The following ZFHX3 variants were observed in gnomAD, a reference collection of about 807,000 sequenced individuals.
The protein encoded by ZFHX3 is zinc finger homeobox 3.
A neutral mutation model predicts 279.1 loss-of-function variants in ZFHX3; 42 were observed. The ratio of observed to expected loss-of-function variants is 0.15; its 90% CI spans 0.12 to 0.19. The LOEUF (loss-of-function observed/expected upper bound fraction) is 0.19, where lower values mean the gene tolerates loss of function less well. Among genes scored for constraint, ZFHX3 ranks in the 10% least tolerant of loss-of-function variants. The pLI is 1.00. For synonymous variants in ZFHX3, 2,293 were observed against 1,957.8 expected (o/e 1.17, Z -4.52); for missense variants, 4,981 against 4,754.0 (o/e 1.05, Z -1.40).
chr16:73,186,606 T>C (rs1223121312), intron 5 of ZFHX3, among the ~76,000 whole-genome samples: 1 of 152,016 alleles, frequency 6.6e-6, no homozygotes, highest in Non-Finnish European at 1.5e-5. Flanking sequence ...GAGTGTTTTA[T>C]GCATCAAAGA....
intron 5 of ZFHX3, among the ~76,000 whole-genome samples, chr16:73,186,653 T>C (rs1026097957): frequency 1.3e-5 from 2 of 151,780 alleles, no homozygotes; most frequent in Non-Finnish European, 2.9e-5. Context: ...TATCTTTTAA[T>C]GGGGGTCGCA....
intron 3 of ZFHX3, among the ~76,000 whole-genome samples, chr16:73,361,921 A>T (rs2016439927): frequency 6.6e-6 from 1 of 152,190 alleles, no homozygotes. Flanking sequence ...GTCTGAAAAA[A>T]AATCAACTTG....
intron 3 of ZFHX3, among the ~76,000 whole-genome samples, chr16:73,337,985 T>C (rs1164340187): frequency 6.6e-6 from 1 of 150,476 alleles, no homozygotes; most frequent in African/African-American, 2.4e-5. Flanking sequence ...GGTTCATAAC[T>C]AAAACTAAAA....
At chr16:73,180,344 T>C (rs1967763954) in intron 5 of ZFHX3, among the ~76,000 whole-genome samples, 1 of 152,186 alleles carries the variant, frequency 6.6e-6, no homozygotes, top group South Asian at 2.1e-4. Flanking sequence ...CTTTATTTTA[T>C]TATTATTTTT....
At chr16:73,466,396 T>G (rs1163608640) in intron 2 of ZFHX3, among the ~76,000 whole-genome samples, 1 of 152,138 alleles carries the variant, frequency 6.6e-6, no homozygotes, top group African/African-American at 2.4e-5. Context: ...GGTGGGAGGA[T>G]CACTTGATCT....
At chr16:73,486,592 AG>A (rs988990259) in intron 2 of ZFHX3, among the ~76,000 whole-genome samples, 7 of 152,222 alleles carry the variant, frequency 4.6e-5, no homozygotes, top group African/African-American at 1.7e-4. Flanking sequence ...AGAATCCCAG[AG>A]GGTCCCCCAC....
At chr16:73,817,592 G>C (rs1960610715) in intron 1 of ZFHX3, among the ~76,000 whole-genome samples, 1 of 152,212 alleles carries the variant, frequency 6.6e-6, no homozygotes, top group East Asian at 1.9e-4. Flanking sequence ...CTGCAAAGCA[G>C]TTCGAATAGC....
intron 1 of ZFHX3, among the ~76,000 whole-genome samples, chr16:73,779,186 A>G (rs1959366208): frequency 6.6e-6 from 1 of 152,212 alleles, no homozygotes; most frequent in Admixed American, 6.5e-5. Context: ...GCCAAAGTAT[A>G]TCTTGGGAAT....
intron 4 of ZFHX3, among the ~76,000 whole-genome samples, chr16:72,843,696 T>C (rs1567543922): frequency 1.3e-5 from 2 of 152,182 alleles, no homozygotes; most frequent in East Asian, 3.9e-4. Context: ...GCTCCCTGGG[T>C]GCTGGCTCTG....
intron 2 of ZFHX3, among the ~76,000 whole-genome samples, chr16:73,607,649 G>A (rs1200588453): frequency 6.6e-6 from 1 of 152,030 alleles, no homozygotes; most frequent in Non-Finnish European, 1.5e-5. Flanking sequence ...ATCAACACAA[G>A]GTATTATTAT....
intron 1 of ZFHX3, among the ~76,000 whole-genome samples, chr16:73,764,474 A>G (rs1221463696): frequency 6.6e-6 from 1 of 152,180 alleles, no homozygotes; most frequent in Non-Finnish European, 1.5e-5. Flanking sequence ...TTTATCCTCC[A>G]TAGGGAAGCA....
rs146416005 is a variant in ZFHX3 at position 73,811,712 on chromosome 16, T to A, written c.-1608+79939A>T. Among the ~76,000 whole-genome samples, 926 of 152,248 alleles carry A rather than the reference T, an allele frequency of 6.1e-3. 8 individuals are homozygous for A. The highest frequency in any genetic ancestry group is 0.021 in the African/African-American group (853 of 41,552). On this transcript the variant is annotated intron_variant, in intron 1 of 17. Transcript: ENST00000641206. ...TGCCCACCTCTGCCTCCCAAAGTGC[T>A]GGGATTATAGGCATGAGCCACCGCG... is the stretch of plus-strand genomic sequence containing the variant.
intron 2 of ZFHX3, among the ~76,000 whole-genome samples, chr16:73,663,676 T>G (rs1004575199): frequency 1.3e-5 from 2 of 152,204 alleles, no homozygotes; most frequent in Non-Finnish European, 2.9e-5. Context: ...ACAAAGGAGA[T>G]GCTGAATAAA....
chr16:73,002,262 A>T lies in ZFHX3; in HGVS notation c.-49-42068T>A, dbSNP rs536523681. Among the ~76,000 whole-genome samples the T allele has an allele frequency of 2.6e-5, 4 of 152,274 alleles. No individual in the cohort carries two copies. In the South Asian group the frequency reaches 8.3e-4, roughly 32 times the overall value. On this transcript the variant is annotated intron_variant, in intron 1 of 9. Coordinates refer to ENST00000268489, the MANE Select transcript of ZFHX3 (RefSeq NM_006885.4). The stretch of plus-strand genomic sequence containing the variant: ...ACAAGCTTCTACTTCTCTGGCCAGG[A>T]GAACTCCATCAGTAACTCTGGTCTT...
At chr16:73,742,421 C>G (rs979418389) in intron 1 of ZFHX3, among the ~76,000 whole-genome samples, 1 of 152,150 alleles carries the variant, frequency 6.6e-6, no homozygotes, top group Non-Finnish European at 1.5e-5. Flanking sequence ...GTTGACCATC[C>G]AAAATGGCCA....
intron 2 of ZFHX3, among the ~76,000 whole-genome samples, chr16:73,466,473 C>A (rs1410113242): frequency 6.6e-6 from 1 of 152,160 alleles, no homozygotes; most frequent in East Asian, 1.9e-4. Context: ...CAGAGTGAGA[C>A]CCTGTTTCAA....
In ZFHX3 at chr16:72,849,860, C is replaced by CAAAAAAAAAA. The variant is rs542156633; in HGVS notation, c.3449-20011_3449-20002dup. Reference sequence around the variant, plus strand: ...TCTCTGCCACTTGGAGTTCACCTACCAAAAAAAAAAAAAAAAAAAAAAAAA... The same window carrying CAAAAAAAAAA: ...TCTCTGCCACTTGGAGTTCACCTACCAAAAAAAAAAAAAAAAAAAAAAAAAAAAAAAAAAA... On this transcript the variant is annotated intron_variant, in intron 4 of 9. Coordinates refer to ENST00000268489, the MANE Select transcript of ZFHX3 (RefSeq NM_006885.4). Among the ~76,000 whole-genome samples, 17 of 56,564 alleles carry CAAAAAAAAAA rather than the reference C, an allele frequency of 3.0e-4. 5 individuals carry two copies. The highest frequency in any genetic ancestry group is 1.3e-3 in the Admixed American group (5 of 3,778). The allele number at this position is 56,564 out of a possible 152,430, so 37.1% of individuals were successfully genotyped here.
At chr16:73,838,062 A>G (rs954785328) in intron 1 of ZFHX3, among the ~76,000 whole-genome samples, 2 of 152,214 alleles carry the variant, frequency 1.3e-5, no homozygotes, top group Non-Finnish European at 1.5e-5. Flanking sequence ...ATTAGCATTT[A>G]CATGTCTCCA....
rs543190232 is a variant in ZFHX3, at chr16:73,053,735, A to G, written c.-24+4795T>C. On this transcript the variant is annotated intron_variant, in intron 1 of 8. Coordinates refer to the ZFHX3 transcript ENST00000397992. ...CCTTTGAACCCAGACCTGGCAGCTT[A>G]GGAGCACACTCCCCCTTCCCCAGGC... 9.8e-5 allele frequency among the ~76,000 whole-genome samples: 15 copies of G among 152,288 alleles called. No homozygotes were observed. In the South Asian group the frequency reaches 3.1e-3, roughly 32 times the overall value.
Sources: allele counts gnomAD v4.1 joint callset (sites outside exome capture counted in the v4.1 genomes callset), GRCh38; gene constraint gnomAD v4.1.1; transcripts MANE v1.5; gene names NCBI Gene and HGNC (gene_info 2026-07-23, HGNC 2026-07-21).